Variants in FOXP2 observed in about 807,000 individuals in gnomAD.
The protein encoded by FOXP2 is forkhead box protein P2.
A neutral mutation model predicts 115.8 loss-of-function variants in FOXP2; 12 were observed. The ratio of observed to expected loss-of-function variants is 0.10; its 90% CI spans 0.07 to 0.17. The LOEUF (loss-of-function observed/expected upper bound fraction) is 0.17, where lower values mean the gene tolerates loss of function less well. Ranked by LOEUF, FOXP2 falls within the 10% of genes least tolerant of loss-of-function variation. The pLI is 1.00. For synonymous variants in FOXP2, 328 were observed against 297.7 expected (o/e 1.10, Z -1.05); for missense variants, 629 against 843.5 (o/e 0.75, Z 3.15).
chr7:114,329,473 C>G (rs1410894923), intron 2 of FOXP2, among the ~76,000 whole-genome samples: 1 of 145,370 alleles, frequency 6.9e-6, no homozygotes, highest in Non-Finnish European at 1.5e-5. Flanking sequence ...GAGCCGAGAT[C>G]GTGCCATTGA....
chr7:114,610,704 T>G (rs1280739250), intron 3 of FOXP2, among the ~76,000 whole-genome samples: 2 of 152,126 alleles, frequency 1.3e-5, no homozygotes, highest in Non-Finnish European at 2.9e-5. Context: ...AGGTAGAGTC[T>G]TGTTCTGTGA....
chr7:114,202,960 T>C (rs1584542602), intron 1 of FOXP2, among the ~76,000 whole-genome samples: 1 of 152,218 alleles, frequency 6.6e-6, no homozygotes, highest in East Asian at 1.9e-4. Flanking sequence ...TTTCTACTAT[T>C]TTCATATCCC....
chr7:114,119,399 G>T (rs910001976), intron 1 of FOXP2, among the ~76,000 whole-genome samples: 11 of 152,078 alleles, frequency 7.2e-5, no homozygotes, highest in Admixed American at 6.6e-5. Flanking sequence ...AAATGATTTA[G>T]ATTTATCTAT....
chr7:114,100,877 T>C (rs1466398449), intron 1 of FOXP2, among the ~76,000 whole-genome samples: 1 of 152,186 alleles, frequency 6.6e-6, no homozygotes, highest in Non-Finnish European at 1.5e-5. Context: ...ATAATCTCTT[T>C]ATAAGAATGT....
intron 1 of FOXP2, among the ~76,000 whole-genome samples, chr7:114,214,805 T>G (rs567172559): frequency 6.6e-6 from 1 of 152,302 alleles, no homozygotes; most frequent in South Asian, 2.1e-4. Context: ...TTTTGTTAGT[T>G]TCCTAGGGAG....
chr7:114,661,930 C>A, intron 13 of FOXP2, 135 bp from the exon 14 acceptor site: 1 of 1,104,320 alleles, frequency 9.1e-7, no homozygotes, highest in Non-Finnish European at 1.3e-6. Context: ...AATATCATGC[C>A]ATATTTTGAT....
intron 1 of FOXP2, among the ~76,000 whole-genome samples, chr7:114,216,124 C>G (rs1794478291): frequency 6.6e-6 from 1 of 152,130 alleles, no homozygotes; most frequent in South Asian, 2.1e-4. Flanking sequence ...AGTATATTTT[C>G]TTAAACTTCC....
At chr7:114,626,939 C>G (rs1016151085) in intron 3 of FOXP2, among the ~76,000 whole-genome samples, 3 of 151,656 alleles carry the variant, frequency 2.0e-5, no homozygotes, top group African/African-American at 4.8e-5. Context: ...CCAGTATATT[C>G]CTTAAAAATA....
intron 2 of FOXP2, among the ~76,000 whole-genome samples, chr7:114,473,359 G>T (rs993603035): frequency 2.0e-5 from 3 of 152,104 alleles, no homozygotes; most frequent in African/African-American, 2.4e-5. Context: ...GGATACAGAC[G>T]CAAGAGTCTT....
At chr7:114,673,266 T>C (rs983616695) in intron 16 of FOXP2, among the ~76,000 whole-genome samples, 1 of 152,222 alleles carries the variant, frequency 6.6e-6, no homozygotes, top group Non-Finnish European at 1.5e-5. Context: ...TTTTCATTTA[T>C]GAGACACAAA....
chr7:114,280,198 G>T (rs1796296151), intron 1 of FOXP2, among the ~76,000 whole-genome samples: 1 of 151,910 alleles, frequency 6.6e-6, no homozygotes, highest in South Asian at 2.1e-4. Context: ...CTGAGCACAT[G>T]CCCCCGTAGA....
intron 3 of FOXP2, among the ~76,000 whole-genome samples, chr7:114,609,810 G>A (rs1584948412): frequency 6.6e-6 from 1 of 152,224 alleles, no homozygotes; most frequent in African/African-American, 2.4e-5. Flanking sequence ...AACGGTGGCA[G>A]TGTCAACATT....
At chr7:114,587,097 G>A (rs541122786) in intron 3 of FOXP2, among the ~76,000 whole-genome samples, 2 of 150,060 alleles carry the variant, frequency 1.3e-5, no homozygotes, top group African/African-American at 2.5e-5. Flanking sequence ...TCTGGGATAC[G>A]TGTGCAGAAC....
intron 6 of FOXP2, among the ~76,000 whole-genome samples, chr7:114,640,316 G>GA (rs993707803): frequency 2.0e-5 from 3 of 151,302 alleles, no homozygotes; most frequent in South Asian, 2.1e-4. Flanking sequence ...TTTTTTTATG[G>GA]AAAAAAAATG....
intron 1 of FOXP2, among the ~76,000 whole-genome samples, chr7:114,422,336 T>C (rs1229502802): frequency 6.6e-6 from 1 of 150,582 alleles, no homozygotes; most frequent in African/African-American, 2.4e-5. Flanking sequence ...TGGGAAGTCA[T>C]TTTTTTTTCA....
At chr7:114,348,557 C>T (rs1791403415) in intron 2 of FOXP2, among the ~76,000 whole-genome samples, 1 of 151,882 alleles carries the variant, frequency 6.6e-6, no homozygotes, top group Non-Finnish European at 1.5e-5. Flanking sequence ...CATTCTGTAG[C>T]TCTGTACCAG....
rs558433141 is a variant in FOXP2 at position 114,190,812 on chromosome 7, T to C, written c.-102+27724T>C. Among the ~76,000 whole-genome samples the C allele has an allele frequency of 3.9e-5, 6 of 152,246 alleles. No homozygotes were observed. In the South Asian group the frequency reaches 1.0e-3, roughly 26 times the overall value. ...AGAAATGGATTCACTTATCAGAAAA[T>C]GTAAATAAACCAATAAATATAAAAA... On this transcript the variant is annotated intron_variant, in intron 1 of 17. Coordinates refer to the FOXP2 transcript ENST00000634411.
intron 1 of FOXP2, among the ~76,000 whole-genome samples, chr7:114,225,440 CT>C (rs1431638264): frequency 1.3e-5 from 2 of 151,408 alleles, no homozygotes; most frequent in African/African-American, 4.9e-5. Flanking sequence ...TTATTTTTTG[CT>C]TTTCAATTTT....
At chr7:114,595,752 A>T in intron 3 of FOXP2, among the ~76,000 whole-genome samples, 1 of 151,980 alleles carries the variant, frequency 6.6e-6, no homozygotes, top group Non-Finnish European at 1.5e-5. Flanking sequence ...TCAACAACCT[A>T]ATCATTATGA....
Sources: gnomAD v4.1 joint callset for allele counts (sites outside exome capture counted in the v4.1 genomes callset) on GRCh38, gnomAD v4.1.1 for gene constraint, MANE v1.5 for transcripts, NCBI Gene and HGNC (gene_info 2026-07-23, HGNC 2026-07-21) for gene names.